Variants in POLR2B observed in about 807,000 individuals in gnomAD.
The protein encoded by POLR2B is RNA polymerase II subunit B.
A neutral mutation model predicts 144.6 loss-of-function variants in POLR2B; 57 were observed. The ratio of observed to expected loss-of-function variants is 0.39; its 90% CI spans 0.32 to 0.49. POLR2B has a LOEUF of 0.49. Among genes scored for constraint, POLR2B ranks in the 20% least tolerant of loss-of-function variants. POLR2B has a pLI of 0.83. For missense variants in POLR2B, 595 were observed against 1,467.4 expected (o/e 0.41, Z 9.71); for synonymous variants, 442 against 469.8 (o/e 0.94, Z 0.77).
chr4:56,997,856 G>A (rs12498216), intron 6 of POLR2B, among the ~76,000 whole-genome samples: 4,375 of 152,270 alleles, frequency 0.029, 316 homozygotes, highest in East Asian at 0.25. Flanking sequence ...AGTGAGAATG[G>A]GAGTGGAATG....
chr4:56,985,400 C>T lies in POLR2B; in HGVS notation c.20-954C>T, dbSNP rs1024758815. 27 of 985,238 alleles carry T rather than the reference C, an allele frequency of 2.7e-5. No individual in the cohort carries two copies. In the East Asian group the frequency reaches 6.8e-4, roughly 25 times the overall value. The allele number at this position is 985,238 out of a possible 1,614,324, so 61.0% of individuals were successfully genotyped here. On this transcript the variant is annotated intron_variant, in intron 1 of 24. Coordinates refer to ENST00000314595, the MANE Select transcript of POLR2B (RefSeq NM_000938.3). Reference sequence around the variant, plus strand: ...ACGGGCGGCGGGCTCGGTGCTGTGGCGAGGCGGGGATGGCACTCCCCCCCG... The same window carrying T: ...ACGGGCGGCGGGCTCGGTGCTGTGGTGAGGCGGGGATGGCACTCCCCCCCG...
chr4:57,015,575 T>C lies in POLR2B; in HGVS notation c.1874T>C (p.Leu625Pro). Residue 625 changes from leucine to proline, a missense_variant, in exon 14 of 25, where the codon CTT (leucine) becomes CCT (proline). Around this residue, in one of 9 missense-constraint regions of POLR2B, gnomAD observed 59 missense variants for 84.2 expected, o/e 0.70. Transcript: ENST00000314595. ...YTDAGRICRP[L>P]LIVEKQKLLL... ...GATGCAGGCCGTATTTGTAGACCAC[T>C]TCTGATTGTGGAAAAACAAAAGCTA... 1 of 1,515,202 alleles carries C rather than the reference T, an allele frequency of 6.6e-7. No homozygotes were observed. The highest frequency in any genetic ancestry group is 1.3e-5 in the South Asian group (1 of 74,596). The allele number at this position is 1,515,202 out of a possible 1,614,324, so 93.9% of individuals were successfully genotyped here. A position where few individuals can be genotyped will look rare whatever the true frequency, so the allele number is the denominator to read the frequency against.
At chr4:56,986,460 G>A in intron 2 of POLR2B, 34 bp downstream of exon 2, 1 of 1,348,794 alleles carries the variant, frequency 7.4e-7, no homozygotes, top group Non-Finnish European at 1.1e-6. Context: ...AGCCTGAAAA[G>A]GCACTTTAGA....
chr4:57,007,318 G>A (rs930468607), intron 10 of POLR2B, among the ~76,000 whole-genome samples: 5 of 152,144 alleles, frequency 3.3e-5, no homozygotes, highest in Admixed American at 6.5e-5. Flanking sequence ...GGGAGGCTGA[G>A]GCAGGAGAAT....
At chr4:56,990,048 A>G (rs369270822) in intron 2 of POLR2B, among the ~76,000 whole-genome samples, 1 of 152,188 alleles carries the variant, frequency 6.6e-6, no homozygotes, top group African/African-American at 2.4e-5. Flanking sequence ...AGAACTAATG[A>G]TCTATAACCT....
In POLR2B at chr4:56,987,638, T is replaced by C. The variant is rs576393288; in HGVS notation, c.92+1212T>C. ...TGATTTGCCTATAATCCCAGCACTT[T>C]GGGATGCTGAGGCAGTCAGATCACT... On this transcript the variant is annotated intron_variant, in intron 2 of 24. Transcript: ENST00000314595. Among the ~76,000 whole-genome samples, 3 of 152,348 alleles carry C rather than the reference T, an allele frequency of 2.0e-5. No individual in the cohort carries two copies. In the East Asian group the frequency reaches 5.8e-4, roughly 29 times the overall value.
chr4:57,012,916 C>G (rs1339357898), intron 13 of POLR2B, among the ~76,000 whole-genome samples: 8 of 152,144 alleles, frequency 5.3e-5, no homozygotes, highest in Admixed American at 5.2e-4. Flanking sequence ...TCTCGGCTCA[C>G]TGCAACGTCT....
intron 16 of POLR2B, among the ~76,000 whole-genome samples, chr4:57,019,626 C>CT (rs2109707511): frequency 6.6e-6 from 1 of 152,302 alleles, no homozygotes; most frequent in South Asian, 2.1e-4. Context: ...CCATATCATT[C>CT]TTTAATTCTT....
At chr4:57,010,305 T>C in intron 10 of POLR2B, 56 bp from the exon 11 acceptor site, 1 of 1,512,624 alleles carries the variant, frequency 6.6e-7, no homozygotes. Flanking sequence ...TGCCTCAGTG[T>C]AATAGTATGA....
chr4:57,002,690 T>G (rs1722892535), intron 7 of POLR2B: 1 of 152,200 alleles, frequency 6.6e-6, no homozygotes, highest in Admixed American at 6.5e-5. Flanking sequence ...ACTTGTGGAA[T>G]GGTCCTCGCT....
intron 3 of POLR2B, among the ~76,000 whole-genome samples, chr4:56,991,265 T>C (rs563895950): frequency 1.3e-5 from 2 of 152,346 alleles, no homozygotes; most frequent in African/African-American, 4.8e-5. Flanking sequence ...TTTTATATAT[T>C]GCATGAAGTA....
chr4:57,015,696 T>G (rs28719609), intron 14 of POLR2B, 40 bp downstream of exon 14: 72,131 of 979,276 alleles, frequency 0.074, 2,847 homozygotes, highest in African/African-American at 0.092. Flanking sequence ...TATTAAAAAT[T>G]GAGATAGAAT....
chr4:57,000,592 C>A (rs1035837737), intron 7 of POLR2B, among the ~76,000 whole-genome samples: 4 of 152,182 alleles, frequency 2.6e-5, no homozygotes, highest in Admixed American at 6.5e-5. Context: ...CCAATAGCCT[C>A]TTACTCCTAA....
chr4:56,994,036 G>A (rs990141090), intron 3 of POLR2B, among the ~76,000 whole-genome samples: 1 of 152,114 alleles, frequency 6.6e-6, no homozygotes, highest in Non-Finnish European at 1.5e-5. Flanking sequence ...AGTATATTAA[G>A]TCTCTTTTTG....
intron 2 of POLR2B, among the ~76,000 whole-genome samples, chr4:56,988,422 G>C (rs1722398368): frequency 6.6e-6 from 1 of 152,106 alleles, no homozygotes; most frequent in African/African-American, 2.4e-5. Flanking sequence ...CCAACACTTT[G>C]GGAGGCTGAG....
chr4:56,988,179 G>T (rs1722389708), intron 2 of POLR2B, among the ~76,000 whole-genome samples: 2 of 152,148 alleles, frequency 1.3e-5, no homozygotes, highest in Admixed American at 6.6e-5. Context: ...TGGAGAAGGG[G>T]CCGGGGCGGC....
Position 56,994,764 on chromosome 4 carries a change from A to G in POLR2B, c.474A>G (p.Ser158=). Reference sequence around the variant, plus strand: ...GAAAAATTCCAATTATGTTGCGGTCAACTTACTGCCTTTTGAATGGCTTGA... The same window carrying G: ...GAAAAATTCCAATTATGTTGCGGTCGACTTACTGCCTTTTGAATGGCTTGA... ...FIGKIPIMLR[S]TYCLLNGLTD... is the part of the protein sequence containing the mutation. The change falls in exon 5 of 25, where the codon TCA becomes TCG. Residue 158 remains serine, a synonymous_variant. Coordinates refer to ENST00000314595, the MANE Select transcript of POLR2B (RefSeq NM_000938.3). The G allele has an allele frequency of 6.2e-7, 1 of 1,613,808 alleles. No homozygotes were observed. Among genetic ancestry groups the G allele is most frequent in the Non-Finnish European group, 8.5e-7 (1 of 1,179,738 alleles).
chr4:57,005,582 C>CTTTCT lies in POLR2B; in HGVS notation c.1098-15_1098-14insCTTTT. ...AAGTGTTTTCCCTCTTTCTTTCTTT[C>CTTTCT]TTTTTTTTTTTTTAAAGATACATGG... On this transcript the variant is annotated splice_polypyrimidine_tract_variant and intron_variant, in intron 8 of 24. Coordinates refer to ENST00000314595, the MANE Select transcript of POLR2B (RefSeq NM_000938.3). The CTTTCT allele has an allele frequency of 1.5e-6, 2 of 1,335,086 alleles. No individual in the cohort carries two copies. Among genetic ancestry groups the CTTTCT allele is most frequent in the South Asian group, 1.4e-5 (1 of 71,432 alleles). 82.7% of individuals were successfully genotyped at this position (1,335,086 alleles called of 1,614,324 possible). A position where few individuals can be genotyped will look rare whatever the true frequency, so the allele number is the denominator to read the frequency against.
In POLR2B at chr4:57,016,761, A is replaced by G. The variant is rs75566830; in HGVS notation, c.1956-282A>G. On this transcript the variant is annotated intron_variant, in intron 14 of 24. Coordinates refer to ENST00000314595, the MANE Select transcript of POLR2B (RefSeq NM_000938.3). ...TGATAAATTTAAAAAATTGCCCTCC[A>G]ATGTATACTCTCTTCTTCACAAGTA... Among the ~76,000 whole-genome samples the G allele has an allele frequency of 6.1e-3, 919 of 149,956 alleles. 11 individuals are homozygous for G. The highest frequency in any genetic ancestry group is 0.021 in the African/African-American group (884 of 41,168).
Sources: allele counts gnomAD v4.1 joint callset (sites outside exome capture counted in the v4.1 genomes callset), GRCh38; gene constraint gnomAD v4.1.1; regional missense constraint gnomAD v4.1.1; transcripts MANE v1.5; gene names NCBI Gene and HGNC (gene_info 2026-07-23, HGNC 2026-07-21).